TRPC6: variants seen among roughly 807,000 people sequenced by gnomAD.
The protein encoded by TRPC6 is transient receptor potential cation channel subfamily C member 6, also known as short transient receptor potential channel 6.
Under a neutral mutation model 90.7 loss-of-function variants are expected in TRPC6, and 55 were observed. That is an observed-to-expected ratio of 0.61 (90% CI 0.49 to 0.76). The LOEUF is 0.76. Ranked by LOEUF, TRPC6 falls within the 30% of genes least tolerant of loss-of-function variation. The probability of loss-of-function intolerance (pLI) is 0.00; values close to 1 mark genes in which losing one functional copy is unlikely to be tolerated. For synonymous variants in TRPC6, 393 were observed against 393.0 expected, an observed-to-expected ratio of 1.00 and a Z score of 0.00; for missense variants, 989 against 1,122.7, an observed-to-expected ratio of 0.88 and a Z score of 1.70.
chr11:101,521,459 A>C, intron 1 of TRPC6, among the ~76,000 whole-genome samples: 1 of 152,246 alleles, frequency 6.6e-6, no homozygotes, highest in East Asian at 1.9e-4. Context: ...TTCCATGTCC[A>C]GGCAGAAGTC....
intron 1 of TRPC6, among the ~76,000 whole-genome samples, chr11:101,530,166 GT>G (rs1860877164): frequency 6.6e-6 from 1 of 152,090 alleles, no homozygotes. Context: ...GCCCTGGGAA[GT>G]AGGCTTGCTA....
chr11:101,509,389 C>T (rs1357459876), intron 1 of TRPC6, among the ~76,000 whole-genome samples: 1 of 152,058 alleles, frequency 6.6e-6, no homozygotes, highest in Non-Finnish European at 1.5e-5. Context: ...TGAGCCACCA[C>T]ACCTGCCCTT....
At chr11:101,529,982 C>T (rs1407780615) in intron 1 of TRPC6, among the ~76,000 whole-genome samples, 1 of 152,184 alleles carries the variant, frequency 6.6e-6, no homozygotes, top group Non-Finnish European at 1.5e-5. Flanking sequence ...GTCCTGCCAC[C>T]AGAACCATCC....
At chr11:101,539,773 AT>A (rs1861130277) in intron 1 of TRPC6, among the ~76,000 whole-genome samples, 1 of 152,212 alleles carries the variant, frequency 6.6e-6, no homozygotes, top group Non-Finnish European at 1.5e-5. Flanking sequence ...TTATAAATAA[AT>A]TTAGTAATAA....
intron 6 of TRPC6, among the ~76,000 whole-genome samples, chr11:101,475,801 A>G (rs1201458366): frequency 6.6e-6 from 1 of 151,572 alleles, no homozygotes; most frequent in Non-Finnish European, 1.5e-5. Flanking sequence ...TACAAATGAC[A>G]GGATTTTCTT....
chr11:101,550,340 AG>A (rs1353952011), intron 1 of TRPC6, among the ~76,000 whole-genome samples: 1 of 151,652 alleles, frequency 6.6e-6, no homozygotes. Context: ...AAAAGACGCA[AG>A]GATATAAGCT....
chr11:101,545,463 ATATC>A (rs1861281336), intron 1 of TRPC6, among the ~76,000 whole-genome samples: 1 of 152,200 alleles, frequency 6.6e-6, no homozygotes, highest in Non-Finnish European at 1.5e-5. Flanking sequence ...GAACAACTGT[ATATC>A]TATCCATTAC....
chr11:101,527,619 A>T (rs1025139113), intron 1 of TRPC6, among the ~76,000 whole-genome samples: 1 of 152,182 alleles, frequency 6.6e-6, no homozygotes, highest in African/African-American at 2.4e-5. Context: ...AAGGCTTTAT[A>T]AAAACAATGG....
chr11:101,453,305 T>C (rs1468648066), intron 12 of TRPC6, among the ~76,000 whole-genome samples, 199 bp from the exon 13 acceptor site: 1 of 152,186 alleles, frequency 6.6e-6, no homozygotes. Flanking sequence ...TATAGCAGAA[T>C]GATAACAAAA....
chr11:101,575,666 T>C (rs146327673), intron 1 of TRPC6, among the ~76,000 whole-genome samples: 5 of 152,142 alleles, frequency 3.3e-5, no homozygotes, highest in East Asian at 1.9e-4. Context: ...CAGAGATGAA[T>C]GAATAAATAG....
intron 2 of TRPC6, among the ~76,000 whole-genome samples, chr11:101,492,306 G>A (rs542803012): frequency 5.2e-4 from 79 of 152,258 alleles, no homozygotes; most frequent in South Asian, 1.7e-3. Flanking sequence ...TATGCTGGCC[G>A]GGTGTGTTGG....
At chr11:101,566,627 T>C (rs1861837875) in intron 1 of TRPC6, among the ~76,000 whole-genome samples, 1 of 152,056 alleles carries the variant, frequency 6.6e-6, no homozygotes. Context: ...GGTCTGCAGC[T>C]CCCAGCGAGA....
chr11:101,503,199 C>G (rs572636076), intron 2 of TRPC6, among the ~76,000 whole-genome samples: 1 of 152,296 alleles, frequency 6.6e-6, no homozygotes, highest in South Asian at 2.1e-4. Context: ...ATCCTCTCCA[C>G]GTGGAGCACA....
chr11:101,581,793 T>C (rs1411434126), intron 1 of TRPC6, among the ~76,000 whole-genome samples: 1 of 152,232 alleles, frequency 6.6e-6, no homozygotes, highest in Non-Finnish European at 1.5e-5. Flanking sequence ...AGCAACCTTG[T>C]CATCATCTGA....
intron 1 of TRPC6, among the ~76,000 whole-genome samples, chr11:101,516,591 G>T (rs542013643): frequency 6.6e-6 from 1 of 152,290 alleles, no homozygotes; most frequent in East Asian, 1.9e-4. Flanking sequence ...GCACAAACTT[G>T]GTAGAATAAG....
chr11:101,508,543 T>C (rs372314823), intron 1 of TRPC6, among the ~76,000 whole-genome samples: 3 of 152,282 alleles, frequency 2.0e-5, no homozygotes, highest in South Asian at 4.1e-4. Flanking sequence ...CTGTCACTTT[T>C]CTGGCTTCTA....
intron 1 of TRPC6, among the ~76,000 whole-genome samples, chr11:101,570,397 A>G (rs1861935050): frequency 2.6e-5 from 4 of 152,196 alleles, no homozygotes; most frequent in African/African-American, 9.7e-5. Context: ...TACCAACCAA[A>G]TAGAGTCCAG....
At chr11:101,556,075 C>T (rs1861554260) in intron 1 of TRPC6, among the ~76,000 whole-genome samples, 1 of 152,076 alleles carries the variant, frequency 6.6e-6, no homozygotes, top group African/African-American at 2.4e-5. Context: ...AAAAGCAGTT[C>T]TAAGAGCAAA....
At chr11:101,582,852 G>C (rs1008387906) in intron 1 of TRPC6, among the ~76,000 whole-genome samples, 6 of 152,096 alleles carry the variant, frequency 3.9e-5, no homozygotes, top group Non-Finnish European at 4.4e-5. Flanking sequence ...TAAGCCAAGC[G>C]TGGAGACCGC....
Sources: gnomAD v4.1 joint callset for allele counts (sites outside exome capture counted in the v4.1 genomes callset) on GRCh38, gnomAD v4.1.1 for gene constraint, MANE v1.5 for transcripts, NCBI Gene and HGNC (gene_info 2026-07-23, HGNC 2026-07-21) for gene names.